The following NOTCH2 variants were observed in gnomAD, a reference collection of about 807,000 sequenced individuals.
NOTCH2 encodes notch receptor 2.
In NOTCH2, 29 loss-of-function variants were observed where a neutral mutation model predicts 235.8. The ratio of observed to expected loss-of-function variants is 0.12; its 90% CI spans 0.09 to 0.17. NOTCH2 has a LOEUF of 0.17. Among genes scored for constraint, NOTCH2 ranks in the 10% least tolerant of loss-of-function variants. The probability of loss-of-function intolerance (pLI) is 1.00; values close to 1 mark genes in which losing one functional copy is unlikely to be tolerated. For missense variants in NOTCH2, 2,285 were observed against 3,150.2 expected, an observed-to-expected ratio of 0.73 and a Z score of 6.57; for synonymous variants, 1,086 against 1,141.5, an observed-to-expected ratio of 0.95 and a Z score of 0.98.
intron 14 of NOTCH2, among the ~76,000 whole-genome samples, chr1:119,951,245 G>C (rs1013180557): frequency 1.3e-5 from 2 of 152,040 alleles, no homozygotes; most frequent in East Asian, 3.9e-4. Flanking sequence ...TCGACCTCTC[G>C]GGCTCAGCAA....
At chr1:119,939,343 C>G (rs1649982977) in intron 19 of NOTCH2, among the ~76,000 whole-genome samples, 1 of 152,176 alleles carries the variant, frequency 6.6e-6, no homozygotes, top group African/African-American at 2.4e-5. Flanking sequence ...ACAGGTTAAG[C>G]TATTCCCAAT....
chr1:120,067,576 G>C (rs1237095149), intron 1 of NOTCH2, among the ~76,000 whole-genome samples: 5 of 152,070 alleles, frequency 3.3e-5, no homozygotes, highest in African/African-American at 1.2e-4. Context: ...CTGCTTCATA[G>C]GTGAGGAGAC....
chr1:120,001,653 G>T (rs1452240354), intron 3 of NOTCH2, among the ~76,000 whole-genome samples: 1 of 152,066 alleles, frequency 6.6e-6, no homozygotes, highest in Non-Finnish European at 1.5e-5. Flanking sequence ...ATTGTGAAAA[G>T]GGCAGATGTT....
intron 13 of NOTCH2, among the ~76,000 whole-genome samples, chr1:119,954,822 T>G (rs1009581579): frequency 6.6e-6 from 1 of 152,234 alleles, no homozygotes; most frequent in Non-Finnish European, 1.5e-5. Flanking sequence ...AAGGGAGACA[T>G]TCCTCCTTAT....
Position 119,940,589 on chromosome 1 carries a change from C to T in NOTCH2, c.3149G>A (p.Ser1050Asn). ...TTTCCCAGTGTAGCCCAGGGGGCAG[C>T]TGCAGCGGTAGGTACCCAGGCCATC... ...CVDGLGTYRC[S>N]CPLGYTGKNC... The change falls in exon 19 of 34, where the codon AGC becomes AAC. Residue 1050 changes from serine (S) to asparagine (N), a missense_variant. Physicochemically the swap from Ser to Asn is conservative, Grantham distance 46 (BLOSUM62 1). Around this residue, in one of 6 missense-constraint regions of NOTCH2, gnomAD observed 1,173 missense variants for 1,515.3 expected, o/e 0.77. Transcript: ENST00000256646. 1 of 1,614,070 alleles carries T rather than the reference C, an allele frequency of 6.2e-7. No individual in the cohort carries two copies. Among genetic ancestry groups the T allele is most frequent in the Non-Finnish European group, 8.5e-7 (1 of 1,179,982 alleles).
chr1:119,949,240 G>T, intron 15 of NOTCH2, 114 bp from the exon 16 acceptor site: 1 of 1,047,142 alleles, frequency 9.5e-7, no homozygotes, highest in Non-Finnish European at 1.5e-6. Context: ...AAGAGGCTTT[G>T]AAAATGGAGA....
intron 17 of NOTCH2, among the ~76,000 whole-genome samples, chr1:119,944,076 T>C (rs1204848375): frequency 3.3e-5 from 5 of 151,660 alleles, no homozygotes; most frequent in African/African-American, 1.2e-4. Context: ...AATAAATAAA[T>C]CAACCTTGCA....
At position 119,966,368 on chromosome 1, in the gene NOTCH2, G is replaced by A. The variant is rs372367275; in HGVS notation, c.1567+8C>T. The A allele has an allele frequency of 7.9e-4, 1,261 of 1,595,122 alleles. 2 individuals carry two copies. The highest frequency in any genetic ancestry group is 1.0e-3 in the Non-Finnish European group (1,160 of 1,162,692). On this transcript the variant is annotated splice_region_variant and intron_variant, in intron 9 of 33. Coordinates refer to ENST00000256646, the MANE Select transcript of NOTCH2 (RefSeq NM_024408.4). ...AAGAGAAAACAGGGCCAGGTCGTGG[G>A]CACTTACCAGGAGGACACAGGCACT...
rs1649239698 is a variant in NOTCH2 at position 119,920,358 on chromosome 1, T to C, written c.5350A>G (p.Ile1784Val). The C allele has an allele frequency of 1.2e-6, 2 of 1,614,086 alleles. No homozygotes were observed. Among genetic ancestry groups the C allele is most frequent in the African/African-American group, 1.3e-5 (1 of 74,912 alleles). ...EALLSEEDDP[I>V]DRRPWTQQHL... ...TGCTGTGTCCATGGCCGTCGATCAA[T>C]GGGGTCATCTTCTTCTGAGAGTAAG... Residue 1784 changes from isoleucine (I) to valine (V), a missense_variant, in exon 30 of 34, where the codon ATT becomes GTT. Coordinates refer to ENST00000256646, the MANE Select transcript of NOTCH2 (RefSeq NM_024408.4).
intron 1 of NOTCH2, among the ~76,000 whole-genome samples, chr1:120,058,231 C>T (rs782689502): frequency 2.0e-4 from 31 of 152,268 alleles, no homozygotes; most frequent in Non-Finnish European, 2.9e-4. Context: ...GGACCAGGCA[C>T]GGTGGCTCAC....
intron 1 of NOTCH2, among the ~76,000 whole-genome samples, chr1:120,041,875 AAAG>A (rs1411341470): frequency 2.2e-5 from 3 of 139,126 alleles, no homozygotes; most frequent in African/African-American, 8.8e-5. Context: ...AAAAGAAAAA[AAAG>A]AAAGAAAAAA....
At chr1:120,001,710 C>T (rs190082035) in intron 3 of NOTCH2, among the ~76,000 whole-genome samples, 1 of 152,166 alleles carries the variant, frequency 6.6e-6, no homozygotes, top group African/African-American at 2.4e-5. Context: ...GTTTGCCTAT[C>T]CTGCATGCAA....
At chr1:119,926,804 T>C (rs1480254076) in intron 23 of NOTCH2, among the ~76,000 whole-genome samples, 193 bp from the exon 24 acceptor site, 1 of 152,118 alleles carries the variant, frequency 6.6e-6, no homozygotes, top group Non-Finnish European at 1.5e-5. Context: ...TGTCACCAGC[T>C]CAGGCCAGTC....
intron 7 of NOTCH2, 103 bp downstream of exon 7, chr1:119,967,974 T>A: frequency 7.7e-6 from 10 of 1,291,016 alleles, no homozygotes; most frequent in Non-Finnish European, 8.9e-6. Context: ...AATCTGAGGT[T>A]TGGGTGTATG....
chr1:119,912,579 T>TAAAC lies in NOTCH2; in HGVS notation c.*2723_*2726dup, dbSNP rs1557800141. On this transcript the variant is annotated 3_prime_UTR_variant, in exon 34 of 34. Transcript: ENST00000256646. ...CTTAAAACAAAACAGAGGAAGCAAA[T>TAAAC]AAACAAACAAAAAAACCTATCCCCA... The TAAAC allele has an allele frequency of 4.3e-6, 1 of 231,770 alleles. No homozygotes were observed. The highest frequency in any genetic ancestry group is 2.2e-5 in the African/African-American group (1 of 44,870). The allele number at this position is 231,770 out of a possible 1,614,324, so 14.4% of individuals were successfully genotyped here. A position where few individuals can be genotyped will look rare whatever the true frequency, so the allele number is the denominator to read the frequency against.
intron 2 of NOTCH2, among the ~76,000 whole-genome samples, chr1:120,007,527 C>T (rs372425772): frequency 7.1e-6 from 1 of 141,094 alleles, no homozygotes; most frequent in Non-Finnish European, 1.5e-5. Context: ...CCTGGCTCTA[C>T]TAAAAATACA....
chr1:120,047,939 A>T (rs1232376753), intron 1 of NOTCH2, among the ~76,000 whole-genome samples: 4 of 143,140 alleles, frequency 2.8e-5, no homozygotes, highest in African/African-American at 5.2e-5. Context: ...TAATTTTTGC[A>T]TTTTTTTCCG....
At chr1:119,930,802 A>T (rs72697237) in intron 22 of NOTCH2, among the ~76,000 whole-genome samples, 23,702 of 148,002 alleles carry the variant, frequency 0.16, 2,434 homozygotes, top group African/African-American at 0.3. Flanking sequence ...AATCATAATT[A>T]AAAAAAAAGG....
chr1:119,995,007 TA>T (rs1328465442), intron 4 of NOTCH2: 1 of 151,962 alleles, frequency 6.6e-6, no homozygotes, highest in Non-Finnish European at 1.5e-5. Context: ...CCCCTCATGC[TA>T]ATCTCCCCTC....
Sources: allele counts gnomAD v4.1 joint callset (sites outside exome capture counted in the v4.1 genomes callset), GRCh38; gene constraint gnomAD v4.1.1; regional missense constraint gnomAD v4.1.1; transcripts MANE v1.5; gene names NCBI Gene and HGNC (gene_info 2026-07-23, HGNC 2026-07-21).